The following TTC19 variants were observed in gnomAD, a reference collection of about 807,000 sequenced individuals.
TTC19 encodes the protein tetratricopeptide repeat domain 19.
In TTC19, 38 loss-of-function variants were observed where a neutral mutation model predicts 49.5. The ratio of observed to expected loss-of-function variants is 0.77; its 90% CI spans 0.59 to 1.01. The LOEUF is 1.01. TTC19 is among the 50% of genes least tolerant of loss of function. TTC19 has a pLI of 0.00. For synonymous variants in TTC19, 204 were observed against 185.2 expected (o/e 1.10, Z -0.83); for missense variants, 475 against 477.7 (o/e 0.99, Z 0.05).
chr17:16,004,110 T>C, intron 5 of TTC19, 91 bp from the exon 6 acceptor site: 1 of 1,329,956 alleles, frequency 7.5e-7, no homozygotes, highest in Non-Finnish European at 1.1e-6. Flanking sequence ...GACTGTGGCT[T>C]TGAGGCCACC....
At chr17:16,032,949 A>G (rs527293998), downstream of TTC19, among the ~76,000 whole-genome samples, 3 of 152,216 alleles carry the variant, frequency 2.0e-5, no homozygotes, top group Admixed American at 6.5e-5. Context: ...GGCAGATTTT[A>G]AAGTCTACAA....
intron 6 of TTC19, 66 bp from the exon 7 acceptor site, chr17:16,006,408 C>T: frequency 4.1e-6 from 5 of 1,215,746 alleles, no homozygotes; most frequent in Non-Finnish European, 6.1e-6. Context: ...GAAACTCCAT[C>T]TCAACAGAAG....
chr17:16,012,830 G>T (rs797019515), intron 7 of TTC19, among the ~76,000 whole-genome samples: 1 of 152,068 alleles, frequency 6.6e-6, no homozygotes, highest in African/African-American at 2.4e-5. Flanking sequence ...GAGCCACCAC[G>T]CTAGGCCTAT....
chr17:16,004,547 T>G (rs928326214), intron 6 of TTC19, among the ~76,000 whole-genome samples: 7 of 152,184 alleles, frequency 4.6e-5, no homozygotes, highest in African/African-American at 1.7e-4. Context: ...GAGTTAGAAC[T>G]TTAGTTTAAC....
At position 16,004,153 on chromosome 17, in the gene TTC19, G is replaced by GA. The variant is rs112911249; in HGVS notation, c.520-42dup. 0.063 allele frequency: 98,802 copies of GA among 1,574,974 alleles called. 7,545 individuals carry two copies. The highest frequency in any genetic ancestry group is 0.36 in the African/African-American group (26,624 of 73,876). On this transcript the variant is annotated intron_variant, in intron 5 of 9. Transcript: ENST00000261647. ...TGGAAGTTGATCTGAAATATGCCAT[G>GA]AAAAAATTTACTTGTTATGAGTTCC...
At chr17:16,034,523 A>G (rs1390166111) in intron 2 of TTC19, among the ~76,000 whole-genome samples, 1 of 152,076 alleles carries the variant, frequency 6.6e-6, no homozygotes, top group Non-Finnish European at 1.5e-5. Flanking sequence ...TGAGAGGATC[A>G]CCTGAGCCTC....
intron 2 of TTC19, among the ~76,000 whole-genome samples, chr17:16,000,916 G>A (rs1378695991): frequency 6.6e-6 from 1 of 152,152 alleles, no homozygotes; most frequent in Non-Finnish European, 1.5e-5. Flanking sequence ...AAACCTCATA[G>A]TCATTCTTAA....
intron 7 of TTC19, among the ~76,000 whole-genome samples, chr17:16,011,211 C>T (rs1971059066): frequency 6.6e-6 from 1 of 152,210 alleles, no homozygotes; most frequent in South Asian, 2.1e-4. Context: ...GACGGAGTCT[C>T]ACTCTGTCAC....
downstream of TTC19, among the ~76,000 whole-genome samples, chr17:16,033,040 A>C (rs1402572306): frequency 1.3e-5 from 2 of 152,194 alleles, no homozygotes; most frequent in Admixed American, 6.5e-5. Flanking sequence ...AAAGCCTCCT[A>C]CAGCTTAAGA....
At chr17:16,021,283 G>T (rs1971375165) in intron 7 of TTC19, among the ~76,000 whole-genome samples, 1 of 152,214 alleles carries the variant, frequency 6.6e-6, no homozygotes, top group African/African-American at 2.4e-5. Context: ...AGCTACTCGG[G>T]AGGCTGAGGC....
chr17:16,039,508 G>A (rs760259611), intron 2 of TTC19: 1 of 1,614,022 alleles, frequency 6.2e-7, no homozygotes, highest in Non-Finnish European at 8.5e-7. Flanking sequence ...GCAGTACCAG[G>A]CACTACTCCC....
chr17:16,026,820 A>C (rs1332314232), intron 9 of TTC19, 118 bp downstream of exon 9: 5 of 1,067,916 alleles, frequency 4.7e-6, no homozygotes, highest in Non-Finnish European at 7.1e-6. Flanking sequence ...TGTAAATTAA[A>C]AGACTGGTTG....
chr17:15,999,846 A>C lies in TTC19; in HGVS notation c.-3A>C, dbSNP rs1256644700. 1 of 1,523,492 alleles carries C rather than the reference A, an allele frequency of 6.6e-7. No homozygotes were observed. Among genetic ancestry groups the C allele is most frequent in the African/African-American group, 1.4e-5 (1 of 70,554 alleles). 94.4% of individuals were successfully genotyped at this position (1,523,492 alleles called of 1,614,324 possible). ...TGCAGTGCGCAGAGGACGCGGCGGGAGCATGTTCCGGCTCCTGAGCTGGAG... is the reference window on the plus strand; with the variant it reads ...TGCAGTGCGCAGAGGACGCGGCGGGCGCATGTTCCGGCTCCTGAGCTGGAG... On this transcript the variant is annotated 5_prime_UTR_variant, in exon 1 of 10. Coordinates refer to ENST00000261647, the MANE Select transcript of TTC19 (RefSeq NM_017775.4).
At chr17:16,034,882 G>A (rs1208834417) in intron 2 of TTC19, 1 of 1,614,102 alleles carries the variant, frequency 6.2e-7, no homozygotes, top group Non-Finnish European at 8.5e-7. Flanking sequence ...CCTTGCCCAG[G>A]TATAGGAGAC....
intron 6 of TTC19, 26 bp from the exon 7 acceptor site, chr17:16,006,435 AGAAAAGGTAAATG>A: frequency 7.0e-7 from 1 of 1,423,696 alleles, no homozygotes; most frequent in Non-Finnish European, 9.9e-7. Context: ...AAAAAAAAGA[AGAAAAGGTAAATG>A]GCTGATTATT....
At chr17:16,015,446 CTCT>C (rs1971186838) in intron 7 of TTC19, among the ~76,000 whole-genome samples, 1 of 152,136 alleles carries the variant, frequency 6.6e-6, no homozygotes, top group African/African-American at 2.4e-5. Context: ...TTTTACACTA[CTCT>C]TACGTATCTG....
At chr17:16,025,279 C>T in intron 8 of TTC19, 108 bp downstream of exon 8, 1 of 1,142,144 alleles carries the variant, frequency 8.8e-7, no homozygotes, top group East Asian at 2.6e-5. Context: ...GTCCTAGATC[C>T]TCCTTGGTCC....
intron 8 of TTC19, 54 bp from the exon 9 acceptor site, chr17:16,026,486 A>G: frequency 6.4e-7 from 1 of 1,558,302 alleles, no homozygotes; most frequent in South Asian, 1.1e-5. Flanking sequence ...TCCACATTAA[A>G]GTTCTGTGAA....
At chr17:16,039,625 C>T (rs1161363126) in intron 2 of TTC19, 31 of 1,613,886 alleles carry the variant, frequency 1.9e-5, no homozygotes, top group Non-Finnish European at 2.5e-5. Context: ...GCAGGATCAG[C>T]AAAAGAATGG....
Sources: allele counts gnomAD v4.1 joint callset (sites outside exome capture counted in the v4.1 genomes callset), GRCh38; gene constraint gnomAD v4.1.1; transcripts MANE v1.5; gene names NCBI Gene and HGNC (gene_info 2026-07-23, HGNC 2026-07-21).